TPM1: variants seen among roughly 807,000 people sequenced by gnomAD.
The protein encoded by TPM1 is tropomyosin alpha-1 chain.
Under a neutral mutation model 42.9 loss-of-function variants are expected in TPM1, and 24 were observed. The observed-to-expected ratio is 0.56, with a 90% CI of 0.41 to 0.79. The LOEUF is 0.79. Among genes scored for constraint, TPM1 ranks in the 30% least tolerant of loss-of-function variants. TPM1 has a pLI of 0.00. For synonymous variants in TPM1, 136 were observed against 130.1 expected (o/e 1.05, Z -0.31); for missense variants, 158 against 351.8 (o/e 0.45, Z 4.41).
chr15:63,063,446 G>A (rs555534926), intron 8 of TPM1: 327 of 901,982 alleles, frequency 3.6e-4, no homozygotes, highest in Non-Finnish European at 4.2e-4. Context: ...AAAGTGTGGC[G>A]CCCATTGCTT....
exon 9 of TPM1, chr15:63,071,417 A>G (rs2141040959): frequency 6.6e-6 from 3 of 457,006 alleles, no homozygotes; most frequent in Non-Finnish European, 1.2e-5. Context: ...TTAGCAACAC[A>G]GTGTGCTTAG....
intron 1 of TPM1, chr15:63,043,193 A>G (rs1183187348): frequency 1.8e-6 from 1 of 549,020 alleles, no homozygotes; most frequent in East Asian, 3.2e-5. Flanking sequence ...CAAGTCCTAG[A>G]GGCGCTTTAT....
In TPM1 at chr15:63,044,129, C is replaced by T; in HGVS notation, c.217C>T (p.Leu73=). The part of the protein sequence containing the change: ...ALKDAQEKLE[L]AEKKATDAEA... Reference sequence around the variant, plus strand: ...CAAAGATGCCCAGGAGAAGCTGGAGCTGGCAGAGAAAAAGGCCACCGATGT... The same window carrying T: ...CAAAGATGCCCAGGAGAAGCTGGAGTTGGCAGAGAAAAAGGCCACCGATGT... The change falls in exon 2 of 10, where the codon CTG becomes TTG. Residue 73 remains leucine, a synonymous_variant. Transcript: ENST00000403994. 6.2e-7 allele frequency: 1 copy of T among 1,614,224 alleles called. No homozygotes were observed. The highest frequency in any genetic ancestry group is 2.2e-5 in the East Asian group (1 of 44,888).
intron 2 of TPM1, chr15:63,048,783 T>C (rs1417794496): frequency 2.7e-6 from 4 of 1,481,334 alleles, no homozygotes; most frequent in Non-Finnish European, 3.6e-6. Context: ...CCCTCCTGCT[T>C]CCCCCCCCGC....
At chr15:63,048,493 A>G in intron 2 of TPM1, 1 of 1,449,590 alleles carries the variant, frequency 6.9e-7, no homozygotes, top group Non-Finnish European at 9.0e-7. Flanking sequence ...CTGGGCAGCC[A>G]GGACAGCCGC....
intron 3 of TPM1, 40 bp from the exon 4 acceptor site, chr15:63,059,523 G>A (rs1011955826): frequency 1.3e-6 from 2 of 1,540,646 alleles, no homozygotes; most frequent in Non-Finnish European, 1.8e-6. Flanking sequence ...GGGAAGTTCA[G>A]CTCTAAATCT....
chr15:63,043,961 T>TC (rs2031823918), intron 1 of TPM1, 66 bp from the exon 2 acceptor site: 27 of 1,576,822 alleles, frequency 1.7e-5, no homozygotes, highest in Non-Finnish European at 2.1e-5. Flanking sequence ...CCCACACCCC[T>TC]CCCCTTCGGG....
At chr15:63,070,828 C>G, downstream of TPM1, 1 of 1,268,476 alleles carries the variant, frequency 7.9e-7, no homozygotes, top group South Asian at 1.6e-5. Context: ...CCAAACCCCA[C>G]GTGCATTTTA....
intron 2 of TPM1, among the ~76,000 whole-genome samples, chr15:63,052,926 G>A (rs147963403): frequency 8.3e-4 from 126 of 152,196 alleles, no homozygotes; most frequent in Non-Finnish European, 1.5e-3. Flanking sequence ...GAATTCTAAC[G>A]AGCCAAACAA....
At chr15:63,063,471 A>T (rs1864116261) in intron 8 of TPM1, 1 of 697,296 alleles carries the variant, frequency 1.4e-6, no homozygotes, top group African/African-American at 1.9e-5. Context: ...AGCCTCCTGG[A>T]CCAGTAATAG....
At chr15:63,065,815 A>G (rs377069281) in intron 9 of TPM1, 81 bp from the exon 10 acceptor site, 98 of 1,485,400 alleles carry the variant, frequency 6.6e-5, no homozygotes, top group African/African-American at 3.4e-4. Context: ...GCTCTCATCT[A>G]TTGGTTTGGT....
chr15:63,049,150 C>T (rs950780623), intron 2 of TPM1: 3 of 206,838 alleles, frequency 1.5e-5, no homozygotes, highest in Non-Finnish European at 3.0e-5. Context: ...GGGAGAGGCA[C>T]TGTGGACTTG....
At chr15:63,065,217 C>G (rs535176341) in intron 9 of TPM1, 8 of 985,804 alleles carry the variant, frequency 8.1e-6, no homozygotes, top group Non-Finnish European at 9.6e-6. Context: ...ACAGATACAA[C>G]TAATTTACAT....
In TPM1 at chr15:63,061,721, C is replaced by T. The variant is rs772303740; in HGVS notation, c.572C>T (p.Ala191Val). 1.9e-6 allele frequency: 3 copies of T among 1,613,992 alleles called. No homozygotes were observed. Among genetic ancestry groups the T allele is most frequent in the Non-Finnish European group, 2.5e-6 (3 of 1,179,952 alleles). ...CTGATCGAAAACATTAGCAAATGTG[C>T]CGAGCTTGAAGAAGAATTGAAAACT... ...ERAELSEGKC[A>V]ELEEELKTVT... Residue 191 changes from alanine to valine, a missense_variant, in exon 6 of 10, where the codon GCC (alanine) becomes GTC (valine). By Grantham distance (64) the Ala-to-Val change is moderately conservative. Coordinates refer to ENST00000403994, the MANE Select transcript of TPM1 (RefSeq NM_001018005.2).
At chr15:63,065,441 C>T in intron 9 of TPM1, 1 of 985,370 alleles carries the variant, frequency 1.0e-6, no homozygotes, top group Non-Finnish European at 1.2e-6. Flanking sequence ...ATAGAATCCC[C>T]ACAGTCAACA....
downstream of TPM1, chr15:63,066,232 A>T: frequency 8.0e-7 from 1 of 1,256,120 alleles, no homozygotes; most frequent in Non-Finnish European, 1.0e-6. Context: ...AACACTATAC[A>T]GAATTATATC....
chr15:63,053,779 T>C (rs1307591939), intron 2 of TPM1, among the ~76,000 whole-genome samples: 2 of 149,048 alleles, frequency 1.3e-5, no homozygotes, highest in Non-Finnish European at 3.0e-5. Context: ...CCTCCCGGGT[T>C]CAAGCAATTC....
At chr15:63,070,712 G>C, downstream of TPM1, 1 of 1,049,480 alleles carries the variant, frequency 9.5e-7, no homozygotes, top group Non-Finnish European at 1.2e-6. Flanking sequence ...CCTGTACCTT[G>C]GAAATGTCTG....
At chr15:63,064,957 ACT>A in intron 9 of TPM1, 23 of 969,104 alleles carry the variant, frequency 2.4e-5, no homozygotes, top group Non-Finnish European at 2.6e-5. Context: ...ACAGAGCGAG[ACT>A]CTGTCTCAAG....
Sources: allele counts gnomAD v4.1 joint callset (sites outside exome capture counted in the v4.1 genomes callset), GRCh38; gene constraint gnomAD v4.1.1; transcripts MANE v1.5; gene names NCBI Gene and HGNC (gene_info 2026-07-23, HGNC 2026-07-21).